Variants in HDAC9 observed in about 807,000 individuals in gnomAD.
The protein encoded by HDAC9 is MEF-2 interacting transcription repressor (MITR) protein.
Under a neutral mutation model 139.4 loss-of-function variants are expected in HDAC9, and 41 were observed. The observed-to-expected ratio is 0.29, with a 90% confidence interval of 0.23 to 0.38. The LOEUF is 0.38. Ranked by LOEUF, HDAC9 falls within the 10% of genes least tolerant of loss-of-function variation. The probability of loss-of-function intolerance (pLI) is 1.00; values close to 1 mark genes in which losing one functional copy is unlikely to be tolerated. For missense variants in HDAC9, 1,147 were observed against 1,297.0 expected, an observed-to-expected ratio of 0.88 and a Z score of 1.78; for synonymous variants, 517 against 476.2, an observed-to-expected ratio of 1.09 and a Z score of -1.12.
chr7:18,585,291 G>T lies in HDAC9; in HGVS notation c.33G>T (p.Lys11Asn), dbSNP rs374974366. The T allele has an allele frequency of 1.9e-6, 3 of 1,608,182 alleles. No individual in the cohort carries two copies. Among genetic ancestry groups the T allele is most frequent in the Non-Finnish European group, 2.6e-6 (3 of 1,176,178 alleles). MHSMISSVDV[K>N]SEVPVGLEPI... Reference sequence around the variant, plus strand: ...TTTCTGGTTCTTTAGTGGATGTGAAGTCAGAAGTTCCTGTGGGCCTGGAGC... The same window carrying T: ...TTTCTGGTTCTTTAGTGGATGTGAATTCAGAAGTTCCTGTGGGCCTGGAGC... Residue 11 changes from lysine to asparagine, a missense_variant, in exon 3 of 26, where the codon AAG (lysine) becomes AAT (asparagine). By Grantham distance (94) the Lys-to-Asn change is moderately conservative. Coordinates refer to ENST00000686413, the MANE Select transcript of HDAC9 (RefSeq NM_178425.4).
chr7:18,162,982 T>A (rs1238169346), intron 2 of HDAC9, among the ~76,000 whole-genome samples: 1 of 152,130 alleles, frequency 6.6e-6, no homozygotes, highest in African/African-American at 2.4e-5. Flanking sequence ...AATGATGAAG[T>A]AGGGTCAGAT....
rs147981772 is a variant in HDAC9, at chr7:18,889,292, A to C, written c.2803+14696A>C. Among the ~76,000 whole-genome samples, 617 of 152,166 alleles carry C rather than the reference A, an allele frequency of 4.1e-3. 6 individuals are homozygous for C. The highest frequency in any genetic ancestry group is 0.014 in the African/African-American group (595 of 41,512). ...TCACCTTCTCAGGTCAATTTTCCTG[A>C]CCAGTGTACCCATCCTCCATCATGC... On this transcript the variant is annotated intron_variant, in intron 22 of 25. Coordinates refer to ENST00000686413, the MANE Select transcript of HDAC9 (RefSeq NM_178425.4).
chr7:18,830,343 A>T (rs1281026071), intron 19 of HDAC9, among the ~76,000 whole-genome samples: 1 of 152,218 alleles, frequency 6.6e-6, no homozygotes, highest in African/African-American at 2.4e-5. Flanking sequence ...TTGTCTGACA[A>T]AGCATAGACA....
chr7:18,377,250 C>T (rs1416728951), intron 1 of HDAC9, among the ~76,000 whole-genome samples: 1 of 152,098 alleles, frequency 6.6e-6, no homozygotes, highest in Non-Finnish European at 1.5e-5. Context: ...CAATCCCATA[C>T]ATAAGGGTAG....
At chr7:18,588,482 A>G (rs1404253951) in intron 3 of HDAC9, among the ~76,000 whole-genome samples, 2 of 152,192 alleles carry the variant, frequency 1.3e-5, no homozygotes, top group African/African-American at 4.8e-5. Flanking sequence ...CACCTTATAC[A>G]CATAGCCTGA....
intron 6 of HDAC9, among the ~76,000 whole-genome samples, chr7:18,626,255 G>T (rs930530626): frequency 6.6e-5 from 10 of 152,104 alleles, no homozygotes; most frequent in African/African-American, 2.4e-4. Context: ...GGCCAGTTAT[G>T]CAGCACTGTG....
chr7:18,578,228 A>G (rs1826634256), intron 2 of HDAC9: 1 of 519,064 alleles, frequency 1.9e-6, no homozygotes, highest in African/African-American at 1.9e-5. Context: ...TCTTCTGAGC[A>G]GTAGTGCAGC....
chr7:18,111,132 T>C (rs1195383531), intron 1 of HDAC9, among the ~76,000 whole-genome samples: 2 of 152,216 alleles, frequency 1.3e-5, no homozygotes, highest in East Asian at 3.8e-4. Context: ...TCCATGTGCC[T>C]GTGAAGCTTA....
At chr7:18,413,399 G>A (rs1411076417) in intron 1 of HDAC9, among the ~76,000 whole-genome samples, 1 of 152,090 alleles carries the variant, frequency 6.6e-6, no homozygotes, top group Non-Finnish European at 1.5e-5. Flanking sequence ...GGATCCCTAA[G>A]GATTCACCAA....
rs770642726 is a variant in HDAC9, at chr7:18,829,511, A to T, written c.2429A>T (p.Asp810Val). The T allele has an allele frequency of 6.2e-7, 1 of 1,612,178 alleles. No individual in the cohort carries two copies. The highest frequency in any genetic ancestry group is 1.7e-5 in the Admixed American group (1 of 59,998). Residue 810 changes from aspartate to valine, a missense_variant, in exon 19 of 26, where the codon GAC (aspartate) becomes GTC (valine). Around this residue, in one of 7 missense-constraint regions of HDAC9, gnomAD observed 407 missense variants for 521.5 expected, o/e 0.78. Coordinates refer to ENST00000686413, the MANE Select transcript of HDAC9 (RefSeq NM_178425.4). ...GCAATTACCGCCAAATACTTGAGAG[A>T]CCAACTAAATATAAGCAAGATATTG... ...SVAITAKYLRDQLNISKILIV... is the reference protein window; with the variant it reads ...SVAITAKYLRVQLNISKILIV...
chr7:18,250,616 A>AT (rs1794857487), intron 2 of HDAC9, among the ~76,000 whole-genome samples: 1 of 152,148 alleles, frequency 6.6e-6, no homozygotes, highest in Non-Finnish European at 1.5e-5. Context: ...CTCAATAAAT[A>AT]TTTTTTAGCA....
At chr7:18,254,080 A>G (rs923055400) in intron 2 of HDAC9, among the ~76,000 whole-genome samples, 1 of 152,246 alleles carries the variant, frequency 6.6e-6, no homozygotes, top group Admixed American at 6.5e-5. Flanking sequence ...AATATACATC[A>G]AAAGTTTCCA....
At chr7:18,994,787 A>T (rs145474399) in intron 25 of HDAC9, among the ~76,000 whole-genome samples, 2 of 152,184 alleles carry the variant, frequency 1.3e-5, no homozygotes, top group African/African-American at 2.4e-5. Flanking sequence ...AACATGGCCA[A>T]ACATTTCATT....
At chr7:18,392,290 GTCTCTC>G (rs370169850) in intron 1 of HDAC9, among the ~76,000 whole-genome samples, 2,923 of 99,604 alleles carry the variant, frequency 0.029, 73 homozygotes, top group East Asian at 0.17. Flanking sequence ...CTCTCTCTCT[GTCTCTC>G]TCTCTCTCTC....
chr7:18,183,155 GCC>G (rs1396801921), intron 2 of HDAC9, among the ~76,000 whole-genome samples: 1 of 151,998 alleles, frequency 6.6e-6, no homozygotes, highest in Admixed American at 6.6e-5. Flanking sequence ...GACTACAGGT[GCC>G]TGCCACCACA....
intron 23 of HDAC9, among the ~76,000 whole-genome samples, chr7:18,953,688 C>T (rs1367495302): frequency 2.0e-5 from 3 of 152,022 alleles, no homozygotes; most frequent in South Asian, 2.1e-4. Context: ...GGCTTTCTAT[C>T]GTGAAGTGTT....
At position 18,961,916 on chromosome 7, in the gene HDAC9, A is replaced by G. The variant is rs561904623; in HGVS notation, c.3022+7686A>G. ...CACAAATAAGTTCATTCCTTTTGCA[A>G]TTTTTGGGTTGAGTTTTTCCCATTT... On this transcript the variant is annotated intron_variant, in intron 24 of 25. Transcript: ENST00000686413. Among the ~76,000 whole-genome samples, 7 of 152,180 alleles carry G rather than the reference A, an allele frequency of 4.6e-5. No individual in the cohort carries two copies. In the South Asian group the frequency reaches 8.3e-4, roughly 18 times the overall value.
intron 2 of HDAC9, among the ~76,000 whole-genome samples, chr7:18,561,193 G>T (rs1820488970): frequency 6.6e-6 from 1 of 152,206 alleles, no homozygotes; most frequent in African/African-American, 2.4e-5. Flanking sequence ...GCTTTCGCAT[G>T]TGCTTCTCCA....
intron 2 of HDAC9, among the ~76,000 whole-genome samples, chr7:18,258,364 C>A (rs537348448): frequency 6.6e-6 from 1 of 152,046 alleles, no homozygotes; most frequent in African/African-American, 2.4e-5. Flanking sequence ...TTTGGGGAAC[C>A]GGTGGTGTTT....
Sources: allele counts gnomAD v4.1 joint callset (sites outside exome capture counted in the v4.1 genomes callset), GRCh38; gene constraint gnomAD v4.1.1; regional missense constraint gnomAD v4.1.1; transcripts MANE v1.5; gene names NCBI Gene and HGNC (gene_info 2026-07-23, HGNC 2026-07-21).